AP3S1: variants seen among roughly 807,000 people sequenced by gnomAD.
AP3S1 encodes adaptor related protein complex 3 subunit sigma 1.
Under a neutral mutation model 21.3 loss-of-function variants are expected in AP3S1, and 12 were observed. The observed-to-expected ratio is 0.56, with a 90% CI of 0.36 to 0.91. AP3S1 has a LOEUF of 0.91. Among genes scored for constraint, AP3S1 ranks in the 40% least tolerant of loss-of-function variants. AP3S1 has a pLI of 0.01. For missense variants in AP3S1, 116 were observed against 225.0 expected (o/e 0.52, Z 3.10); for synonymous variants, 48 against 78.4 (o/e 0.61, Z 2.05).
chr5:115,866,163 C>T (rs1387636740), intron 1 of AP3S1, among the ~76,000 whole-genome samples: 1 of 152,182 alleles, frequency 6.6e-6, no homozygotes, highest in Admixed American at 6.5e-5. Context: ...TGACCCAATC[C>T]TTGGCTTTAG....
chr5:115,865,957 C>G (rs1186064029), intron 1 of AP3S1, among the ~76,000 whole-genome samples: 4 of 152,162 alleles, frequency 2.6e-5, no homozygotes, highest in Non-Finnish European at 5.9e-5. Context: ...TGCCACCACA[C>G]CCAGCTATTT....
chr5:115,893,469 G>A (rs1750491639), intron 3 of AP3S1, among the ~76,000 whole-genome samples: 1 of 152,182 alleles, frequency 6.6e-6, no homozygotes. Flanking sequence ...CATTGGTAAG[G>A]TTTCCATCGA....
intron 5 of AP3S1, among the ~76,000 whole-genome samples, chr5:115,912,606 CTT>C (rs1752193110): frequency 6.6e-6 from 1 of 151,962 alleles, no homozygotes; most frequent in Non-Finnish European, 1.5e-5. Context: ...TGCATTTATG[CTT>C]TTCTTTCTCT....
At chr5:115,860,702 T>C (rs571678239) in intron 1 of AP3S1, among the ~76,000 whole-genome samples, 1 of 152,326 alleles carries the variant, frequency 6.6e-6, no homozygotes, top group Admixed American at 6.5e-5. Flanking sequence ...TTAAACACTT[T>C]CAAGATTTTG....
intron 5 of AP3S1, among the ~76,000 whole-genome samples, chr5:115,907,790 C>A (rs1466150522): frequency 6.6e-6 from 1 of 152,092 alleles, no homozygotes; most frequent in Non-Finnish European, 1.5e-5. Context: ...CGTTTTTTCA[C>A]ACCATAAATT....
chr5:115,884,909 G>A (rs936998333), intron 3 of AP3S1, among the ~76,000 whole-genome samples: 1 of 152,036 alleles, frequency 6.6e-6, no homozygotes, highest in Non-Finnish European at 1.5e-5. Context: ...CACACTGATA[G>A]GAACACTGAT....
At chr5:115,892,634 G>C (rs993696618) in intron 3 of AP3S1, among the ~76,000 whole-genome samples, 3 of 152,150 alleles carry the variant, frequency 2.0e-5, no homozygotes, top group African/African-American at 7.2e-5. Context: ...ATAGAGAGTA[G>C]AAGGATAGTT....
intron 1 of AP3S1, among the ~76,000 whole-genome samples, chr5:115,851,406 T>C (rs764568561): frequency 1.3e-5 from 2 of 152,206 alleles, no homozygotes; most frequent in Non-Finnish European, 2.9e-5. Flanking sequence ...AAGCGGCACA[T>C]CATTTTCCAC....
At chr5:115,869,341 G>C (rs1287538115) in intron 2 of AP3S1, among the ~76,000 whole-genome samples, 2 of 151,730 alleles carry the variant, frequency 1.3e-5, no homozygotes, top group Non-Finnish European at 2.9e-5. Flanking sequence ...TTTTTTTTCT[G>C]GTTGATAATC....
At chr5:115,860,079 C>T (rs1017916542) in intron 1 of AP3S1, among the ~76,000 whole-genome samples, 1 of 152,148 alleles carries the variant, frequency 6.6e-6, no homozygotes, top group Non-Finnish European at 1.5e-5. Context: ...GGGAGAGAAT[C>T]TATGTTCTTG....
intron 1 of AP3S1, among the ~76,000 whole-genome samples, chr5:115,852,634 C>T (rs1025489155): frequency 2.1e-4 from 32 of 152,088 alleles, no homozygotes; most frequent in African/African-American, 7.7e-4. Flanking sequence ...CCCCACTCCC[C>T]ACTGTCCCTG....
At chr5:115,862,877 A>G (rs1763305045) in intron 1 of AP3S1, among the ~76,000 whole-genome samples, 1 of 152,342 alleles carries the variant, frequency 6.6e-6, no homozygotes, top group East Asian at 1.9e-4. Context: ...TACAAGAAAA[A>G]GTTGAATTGC....
rs745356401 is a variant in AP3S1, at chr5:115,902,909, G to A, written c.370G>A (p.Val124Met). 3.1e-6 allele frequency: 5 copies of A among 1,613,292 alleles called. No individual in the cohort carries two copies. The highest frequency in any genetic ancestry group is 1.1e-5 in the South Asian group (1 of 91,030). Residue 124 changes from valine (V) to methionine (M), a missense_variant, in exon 5 of 6, where the codon GTG (valine) becomes ATG (methionine). Physicochemically the swap from Val to Met is conservative, Grantham distance 21 (BLOSUM62 1). Transcript: ENST00000316788. Reference protein sequence around the residue: ...DKVHNILAEMVMGGMVLETNM... With the variant: ...DKVHNILAEMMMGGMVLETNM... ...GGTTCACAATATTCTTGCAGAAATG[G>A]TGATGGGGGGAATGGTATTGGAGAC... is the stretch of plus-strand genomic sequence containing the variant.
intron 5 of AP3S1, chr5:115,908,941 GT>G: frequency 1.0e-6 from 1 of 963,260 alleles, no homozygotes; most frequent in Non-Finnish European, 1.2e-6. Context: ...ATTTAATATT[GT>G]GTTTATTAAT....
chr5:115,862,441 G>A (rs746123482), intron 1 of AP3S1, among the ~76,000 whole-genome samples: 3 of 152,112 alleles, frequency 2.0e-5, no homozygotes, highest in Non-Finnish European at 4.4e-5. Flanking sequence ...AAGTTAAAAT[G>A]TATCAAAATT....
At chr5:115,913,180 A>G (rs1265419711) in intron 5 of AP3S1, among the ~76,000 whole-genome samples, 182 bp from the exon 6 acceptor site, 1 of 152,118 alleles carries the variant, frequency 6.6e-6, no homozygotes, top group East Asian at 1.9e-4. Flanking sequence ...TTAATGTGTC[A>G]CTGTTTTCTC....
rs1749249209 is a variant in AP3S1 at position 115,881,153 on chromosome 5, GT to G, written c.273+11028del. ...CTGATGGGTCTTGACCTTTTATCCAGTTTGCCCATCTGTGTCTTTTAATTAG... is the reference window on the plus strand; with the variant it reads ...CTGATGGGTCTTGACCTTTTATCCAGTTGCCCATCTGTGTCTTTTAATTAG... On this transcript the variant is annotated intron_variant, in intron 3 of 5. Transcript: ENST00000316788. 2.6e-5 allele frequency among the ~76,000 whole-genome samples: 4 copies of G among 151,944 alleles called. No homozygotes were observed. The South Asian group carries it at 8.3e-4, about 32-fold the overall frequency.
At chr5:115,845,008 A>G (rs1329189141) in intron 1 of AP3S1, among the ~76,000 whole-genome samples, 1 of 152,220 alleles carries the variant, frequency 6.6e-6, no homozygotes, top group Non-Finnish European at 1.5e-5. Context: ...AGTTGGGATT[A>G]GTTAACTTGC....
At chr5:115,864,643 C>G (rs758082762) in intron 1 of AP3S1, among the ~76,000 whole-genome samples, 1 of 152,182 alleles carries the variant, frequency 6.6e-6, no homozygotes, top group Non-Finnish European at 1.5e-5. Context: ...TTGAGCATGA[C>G]TTCACAGGAT....
Sources: gnomAD v4.1 joint callset for allele counts (sites outside exome capture counted in the v4.1 genomes callset) on GRCh38, gnomAD v4.1.1 for gene constraint, MANE v1.5 for transcripts, NCBI Gene and HGNC (gene_info 2026-07-23, HGNC 2026-07-21) for gene names.